Variants in CREB5 observed in about 807,000 individuals in gnomAD.
CREB5 encodes cyclic AMP-responsive element-binding protein 5.
In CREB5, 19 loss-of-function variants were observed where a neutral mutation model predicts 57.1. The ratio of observed to expected loss-of-function variants is 0.33; its 90% CI spans 0.23 to 0.49. The LOEUF (loss-of-function observed/expected upper bound fraction) is 0.49. CREB5 is among the 20% of genes least tolerant of loss of function. The pLI is 0.99. For synonymous variants in CREB5, 238 were observed against 238.3 expected, an observed-to-expected ratio of 1.00 and a Z score of 0.01; for missense variants, 579 against 671.6, an observed-to-expected ratio of 0.86 and a Z score of 1.52.
intron 1 of CREB5, among the ~76,000 whole-genome samples, chr7:28,313,211 G>A (rs903632757): frequency 2.0e-5 from 3 of 152,138 alleles, no homozygotes; most frequent in African/African-American, 7.2e-5. Context: ...TGATCTAGAT[G>A]GTGCTTGAAT....
At chr7:28,462,428 G>A (rs1220732546) in intron 1 of CREB5, among the ~76,000 whole-genome samples, 3 of 151,976 alleles carry the variant, frequency 2.0e-5, no homozygotes, top group African/African-American at 7.2e-5. Context: ...ATTTCTTTTG[G>A]GTATACACCC....
intron 4 of CREB5, among the ~76,000 whole-genome samples, chr7:28,509,150 T>G (rs1792599108): frequency 6.6e-6 from 1 of 152,234 alleles, no homozygotes; most frequent in Admixed American, 6.5e-5. Flanking sequence ...AAAGCTGGCT[T>G]CTTAAACTGA....
At chr7:28,602,767 A>G (rs927569055) in intron 5 of CREB5, among the ~76,000 whole-genome samples, 13 of 152,216 alleles carry the variant, frequency 8.5e-5, no homozygotes, top group African/African-American at 3.1e-4. Flanking sequence ...GTGGTGATGG[A>G]ACAGTTTTGT....
intron 5 of CREB5, among the ~76,000 whole-genome samples, chr7:28,715,725 G>C (rs889681345): frequency 8.5e-5 from 13 of 152,142 alleles, no homozygotes; most frequent in African/African-American, 3.1e-4. Context: ...TGGTTTGGTA[G>C]GTGGGGGTTG....
Position 28,685,816 on chromosome 7 carries a change from G to A in CREB5, c.465-32937G>A, listed in dbSNP as rs75604893. On this transcript the variant is annotated intron_variant, in intron 5 of 10. Coordinates refer to ENST00000357727, the MANE Select transcript of CREB5 (RefSeq NM_182898.4). ...GCACTGTTTCCCCCTTTGTTTACCC[G>A]TTTCTAAGGGCAAGTGCACCACGAA... Among the ~76,000 whole-genome samples, 767 of 152,082 alleles carry A rather than the reference G, an allele frequency of 5.0e-3. 6 individuals carry two copies. Among genetic ancestry groups the A allele is most frequent in the Non-Finnish European group, 7.4e-3 (502 of 67,978 alleles).
chr7:28,776,584 C>T (rs62442194), intron 7 of CREB5, among the ~76,000 whole-genome samples: 38,488 of 152,130 alleles, frequency 0.25, 5,666 homozygotes, highest in Non-Finnish European at 0.34. Flanking sequence ...TCTCAAAGTG[C>T]ACAGTTCAGT....
intron 5 of CREB5, among the ~76,000 whole-genome samples, chr7:28,624,010 T>G (rs1797901625): frequency 6.6e-6 from 1 of 152,156 alleles, no homozygotes. Context: ...ACTTCCTCCA[T>G]TATCACCTTT....
At chr7:28,798,863 C>T (rs1337693203) in intron 7 of CREB5, among the ~76,000 whole-genome samples, 1 of 152,192 alleles carries the variant, frequency 6.6e-6, no homozygotes, top group Non-Finnish European at 1.5e-5. Context: ...TTTCCTCTCT[C>T]TCCCTTGCCT....
At chr7:28,334,632 C>T (rs982569439) in intron 1 of CREB5, among the ~76,000 whole-genome samples, 1 of 152,172 alleles carries the variant, frequency 6.6e-6, no homozygotes, top group African/African-American at 2.4e-5. Flanking sequence ...CAAATATTTT[C>T]TCCCATTCTG....
chr7:28,584,973 C>T (rs1026369913), intron 5 of CREB5, among the ~76,000 whole-genome samples: 2 of 152,114 alleles, frequency 1.3e-5, no homozygotes, highest in Admixed American at 6.5e-5. Flanking sequence ...AGAAAGGGAA[C>T]GAAGAGGCCT....
At chr7:28,494,533 A>G (rs1334948050) in intron 2 of CREB5, among the ~76,000 whole-genome samples, 4 of 152,212 alleles carry the variant, frequency 2.6e-5, no homozygotes, top group East Asian at 3.8e-4. Flanking sequence ...TCCAGGGACT[A>G]TCTAAGAAGT....
intron 3 of CREB5, among the ~76,000 whole-genome samples, chr7:28,495,494 A>T (rs1159304921): frequency 6.6e-6 from 1 of 151,418 alleles, no homozygotes; most frequent in African/African-American, 2.4e-5. Flanking sequence ...GTGAGCTGAG[A>T]TCATGCCACT....
intron 1 of CREB5, among the ~76,000 whole-genome samples, chr7:28,348,853 C>G (rs1786129365): frequency 6.6e-6 from 1 of 152,232 alleles, no homozygotes; most frequent in Non-Finnish European, 1.5e-5. Context: ...GTGCCAGCCT[C>G]TCAGGCCTGG....
At chr7:28,560,880 G>C (rs1330489289) in intron 4 of CREB5, among the ~76,000 whole-genome samples, 1 of 29,616 alleles carries the variant, frequency 3.4e-5, no homozygotes, top group African/African-American at 2.5e-4. Context: ...GTGCGCGTGC[G>C]TGCGTGCGTG....
chr7:28,712,005 C>T (rs540117988), intron 5 of CREB5, among the ~76,000 whole-genome samples: 2 of 152,230 alleles, frequency 1.3e-5, no homozygotes, highest in East Asian at 3.9e-4. Flanking sequence ...ATCTCTATCA[C>T]CCCCATTTTA....
chr7:28,317,234 C>A (rs1785400130), intron 1 of CREB5, among the ~76,000 whole-genome samples: 1 of 152,116 alleles, frequency 6.6e-6, no homozygotes, highest in East Asian at 1.9e-4. Flanking sequence ...GTTCAGATTA[C>A]CCCAGGAAAG....
At chr7:28,372,318 G>A (rs535761027) in intron 1 of CREB5, among the ~76,000 whole-genome samples, 1 of 152,302 alleles carries the variant, frequency 6.6e-6, no homozygotes, top group Non-Finnish European at 1.5e-5. Flanking sequence ...AATTTGGGGA[G>A]GGTTTCCCCT....
chr7:28,505,986 G>A (rs929306337), intron 3 of CREB5, among the ~76,000 whole-genome samples: 9 of 152,130 alleles, frequency 5.9e-5, no homozygotes, highest in South Asian at 2.1e-4. Flanking sequence ...CTGTAATGCC[G>A]AATTTACGAA....
At chr7:28,461,186 C>T (rs573682089) in intron 1 of CREB5, among the ~76,000 whole-genome samples, 17 of 149,870 alleles carry the variant, frequency 1.1e-4, no homozygotes, top group African/African-American at 1.7e-4. Flanking sequence ...GCTGTGATGG[C>T]GCCACTGCAT....
Sources: allele counts gnomAD v4.1 joint callset (sites outside exome capture counted in the v4.1 genomes callset), GRCh38; gene constraint gnomAD v4.1.1; transcripts MANE v1.5; gene names NCBI Gene and HGNC (gene_info 2026-07-23, HGNC 2026-07-21).